LAP3: variants seen among roughly 807,000 people sequenced by gnomAD.
LAP3 encodes cytosol aminopeptidase.
In LAP3, 46 loss-of-function variants were observed where a neutral mutation model predicts 58.8. The observed-to-expected ratio is 0.78, with a 90% CI of 0.62 to 1.00. LAP3 has a LOEUF of 1.00. Ranked by LOEUF, LAP3 falls within the 50% of genes least tolerant of loss-of-function variation. The probability of loss-of-function intolerance (pLI) is 0.00; values close to 1 mark genes in which losing one functional copy is unlikely to be tolerated. For synonymous variants in LAP3, 257 were observed against 237.7 expected, an observed-to-expected ratio of 1.08 and a Z score of -0.75; for missense variants, 615 against 659.1, an observed-to-expected ratio of 0.93 and a Z score of 0.73.
intron 2 of LAP3, among the ~76,000 whole-genome samples, 160 bp from the exon 3 acceptor site, chr4:17,581,600 T>G (rs890491274): frequency 2.0e-5 from 3 of 151,654 alleles, no homozygotes; most frequent in Admixed American, 6.6e-5. Flanking sequence ...AAGAAAGAAA[T>G]CTGGCTTGAG....
chr4:17,595,241 T>TGTTAGCCAGGATG, intron 7 of LAP3, among the ~76,000 whole-genome samples, 169 bp from the exon 8 acceptor site: 1 of 150,716 alleles, frequency 6.6e-6, no homozygotes, highest in African/African-American at 2.4e-5. Context: ...GGTTGCACCG[T>TGTTAGCCAGGATG]GTTAGCCAGG....
At chr4:17,585,231 C>T (rs1272971713) in intron 6 of LAP3, 95 bp downstream of exon 6, 2 of 1,043,214 alleles carry the variant, frequency 1.9e-6, no homozygotes, top group Admixed American at 4.0e-5. Context: ...AGAGGAATAA[C>T]TTGAGACCAG....
At chr4:17,592,876 T>G (rs189804951) in intron 7 of LAP3, among the ~76,000 whole-genome samples, 5 of 152,240 alleles carry the variant, frequency 3.3e-5, no homozygotes, top group African/African-American at 1.2e-4. Context: ...CTCGGCTCAC[T>G]GCACCTCCGC....
At chr4:17,598,021 C>T (rs1363761342) in intron 9 of LAP3, among the ~76,000 whole-genome samples, 1 of 152,154 alleles carries the variant, frequency 6.6e-6, no homozygotes. Context: ...GCTCTTTAAC[C>T]TCATTTTTGG....
Position 17,606,861 on chromosome 4 carries a change from G to A in LAP3, c.1293G>A (p.Arg431=). ...TTGAAACAGGGGACCGTGTCTGGAG[G>A]ATGCCTCTCTTCGAACATTATACAA... ...ASIETGDRVW[R]MPLFEHYTRQ... is the part of the protein sequence containing the mutation. The change falls in exon 12 of 13, where the codon AGG becomes AGA. Residue 431 remains arginine (R), a synonymous_variant. Transcript: ENST00000226299. 6.2e-7 allele frequency: 1 copy of A among 1,613,102 alleles called. No individual in the cohort carries two copies. Among genetic ancestry groups the A allele is most frequent in the Non-Finnish European group, 8.5e-7 (1 of 1,179,912 alleles).
In LAP3 at chr4:17,577,249, C is replaced by CACGAATGCGGGCG. The variant is rs1553880637; in HGVS notation, c.-217_-216insACGAATGCGGGCG. 29 of 391,906 alleles carry CACGAATGCGGGCG rather than the reference C, an allele frequency of 7.4e-5. No homozygotes were observed. Among genetic ancestry groups the CACGAATGCGGGCG allele is most frequent in the Middle Eastern group, 6.8e-4 (1 of 1,478 alleles). The allele number at this position is 391,906 out of a possible 1,614,324, so 24.3% of individuals were successfully genotyped here. On this transcript the variant is annotated 5_prime_UTR_variant, in exon 1 of 13. In the 5' UTR this introduces an upstream ATG that the reference lacks. Transcript: ENST00000226299. ...GCGGGCGCACACGAATGCGGGCGCA[C>CACGAATGCGGGCG]CCTTGAGTCCCCTCCACAACCGCGG... is the stretch of plus-strand genomic sequence containing the variant.
rs557109137 is a variant in LAP3, at chr4:17,583,609, A to G, written c.506A>G (p.Lys169Arg). ...LYEYDDLKQKKKMAVSAKLYG... is the reference protein window; with the variant it reads ...LYEYDDLKQKRKMAVSAKLYG... ...GAATACGATGACCTAAAGCAAAAAA[A>G]GAAGATGGCTGTGTCGGCAAAGCTC... Residue 169 changes from lysine (K) to arginine (R), a missense_variant, in exon 5 of 13, where the codon AAG becomes AGG. Lys to Arg is a conservative substitution (Grantham distance 26). Coordinates refer to ENST00000226299, the MANE Select transcript of LAP3 (RefSeq NM_015907.3). 6.2e-6 allele frequency: 10 copies of G among 1,614,054 alleles called. No individual in the cohort carries two copies. Among genetic ancestry groups the G allele is most frequent in the Non-Finnish European group, 8.5e-6 (10 of 1,180,034 alleles).
At chr4:17,603,391 C>T (rs1714027177) in intron 10 of LAP3, among the ~76,000 whole-genome samples, 1 of 152,054 alleles carries the variant, frequency 6.6e-6, no homozygotes, top group Non-Finnish European at 1.5e-5. Context: ...GGCATGATAG[C>T]TCATGCTTGT....
intron 3 of LAP3, 61 bp from the exon 4 acceptor site, chr4:17,582,227 C>G: frequency 1.5e-6 from 2 of 1,375,140 alleles, no homozygotes; most frequent in South Asian, 2.4e-5. Flanking sequence ...TGTAGAATTC[C>G]TTGCTGGAAA....
At chr4:17,592,500 C>T (rs1349562160) in intron 7 of LAP3, among the ~76,000 whole-genome samples, 1 of 152,176 alleles carries the variant, frequency 6.6e-6, no homozygotes, top group African/African-American at 2.4e-5. Flanking sequence ...CAGTTTTAGG[C>T]TATTAGGAAT....
intron 2 of LAP3, among the ~76,000 whole-genome samples, chr4:17,580,857 A>C (rs1419839831): frequency 6.6e-6 from 1 of 152,238 alleles, no homozygotes; most frequent in African/African-American, 2.4e-5. Context: ...CATGTAAACC[A>C]CTGCAACTAT....
chr4:17,606,841 A>T lies in LAP3; in HGVS notation c.1273A>T (p.Thr425Ser). 2 of 1,611,434 alleles carry T rather than the reference A, an allele frequency of 1.2e-6. No individual in the cohort carries two copies. Among genetic ancestry groups the T allele is most frequent in the Non-Finnish European group, 1.7e-6 (2 of 1,179,472 alleles). Residue 425 changes from threonine to serine, a missense_variant, in exon 12 of 13, where the codon ACA becomes TCA. Transcript: ENST00000226299. ...ACCTGTTCTCTAGGCCAGCATTGAAACAGGGGACCGTGTCTGGAGGATGCC... is the reference window on the plus strand; with the variant it reads ...ACCTGTTCTCTAGGCCAGCATTGAATCAGGGGACCGTGTCTGGAGGATGCC... ...WNKLFEASIE[T>S]GDRVWRMPLF...
At chr4:17,601,820 T>A (rs756154829) in intron 10 of LAP3, among the ~76,000 whole-genome samples, 1 of 152,160 alleles carries the variant, frequency 6.6e-6, no homozygotes, top group Non-Finnish European at 1.5e-5. Context: ...TCAGTACTGA[T>A]GCAGCCATCT....
intron 1 of LAP3, 131 bp from the exon 2 acceptor site, chr4:17,579,693 C>T: frequency 3.9e-6 from 2 of 511,692 alleles, no homozygotes; most frequent in African/African-American, 4.0e-5. Context: ...TCTTTTTTTG[C>T]TTTCTTCTGT....
chr4:17,596,906 T>C (rs1268897876), intron 8 of LAP3, 140 bp from the exon 9 acceptor site: 1 of 668,792 alleles, frequency 1.5e-6, no homozygotes, highest in East Asian at 2.7e-5. Flanking sequence ...AGTTGTGTCA[T>C]TGGTGATGTT....
chr4:17,598,765 T>TG (rs1713896583), intron 10 of LAP3, among the ~76,000 whole-genome samples: 2 of 151,774 alleles, frequency 1.3e-5, no homozygotes, highest in Admixed American at 6.6e-5. Context: ...GCTGTACTTT[T>TG]TTTTTGAGAC....
intron 5 of LAP3, 110 bp from the exon 6 acceptor site, chr4:17,584,862 T>G: frequency 9.4e-7 from 1 of 1,064,076 alleles, no homozygotes; most frequent in Non-Finnish European, 1.3e-6. Flanking sequence ...TTGTTTTTGA[T>G]TTGTAGTCTT....
intron 6 of LAP3, 60 bp downstream of exon 6, chr4:17,585,196 C>T (rs1577219903): frequency 1.4e-6 from 2 of 1,405,094 alleles, no homozygotes; most frequent in Non-Finnish European, 2.0e-6. Flanking sequence ...CCTTGAGATC[C>T]TAAAATCCAG....
intron 7 of LAP3, 28 bp from the exon 8 acceptor site, chr4:17,595,382 A>C (rs1713804810): frequency 6.2e-7 from 1 of 1,611,184 alleles, no homozygotes. Context: ...TTTGCTCTTA[A>C]TATTGCACGT....
Sources: gnomAD v4.1 joint callset for allele counts (sites outside exome capture counted in the v4.1 genomes callset) on GRCh38, gnomAD v4.1.1 for gene constraint, MANE v1.5 for transcripts, NCBI Gene and HGNC (gene_info 2026-07-23, HGNC 2026-07-21) for gene names.